The following PCK2 variants were observed in gnomAD, a reference collection of about 807,000 sequenced individuals.
PCK2 encodes the protein phosphoenolpyruvate carboxykinase 2, mitochondrial.
Under a neutral mutation model 65.9 loss-of-function variants are expected in PCK2, and 56 were observed. That is an observed-to-expected ratio of 0.85 (90% confidence interval 0.69 to 1.06). The LOEUF (loss-of-function observed/expected upper bound fraction) is 1.06. Among genes scored for constraint, PCK2 ranks in the 50% least tolerant of loss-of-function variants. The pLI, the probability that PCK2 is intolerant of heterozygous loss-of-function variation, is 0.00. For synonymous variants in PCK2, 305 were observed against 319.6 expected (o/e 0.95, Z 0.49); for missense variants, 843 against 863.1 (o/e 0.98, Z 0.29).
chr14:24,102,253 C>G (rs1028492282), intron 7 of PCK2, among the ~76,000 whole-genome samples: 1 of 152,116 alleles, frequency 6.6e-6, no homozygotes, highest in South Asian at 2.1e-4. Flanking sequence ...AAATAAATTC[C>G]TATTTGCATT....
chr14:24,100,326 G>A, intron 7 of PCK2, 113 bp downstream of exon 7: 1 of 1,508,296 alleles, frequency 6.6e-7, no homozygotes, highest in Non-Finnish European at 8.8e-7. Flanking sequence ...AGGCACAGAA[G>A]TCATGAACGT....
rs1281121399 is a variant in PCK2, at chr14:24,094,696, C to A, written c.29+262C>A. ...CCGCGCGATCTCTATCTGCCACTCT[C>A]AGAACTTCCTCTCTCTCCTCGCTCC... On this transcript the variant is annotated intron_variant, in intron 1 of 9. Coordinates refer to ENST00000216780, the MANE Select transcript of PCK2 (RefSeq NM_004563.4). This position sits in a 1 kb window ranked among gnomAD's most constrained non-coding sequence, Gnocchi z 4.1. The A allele has an allele frequency of 6.6e-7, 1 of 1,519,458 alleles. No individual in the cohort carries two copies. The highest frequency in any genetic ancestry group is 8.8e-7 in the Non-Finnish European group (1 of 1,136,766). The allele number at this position is 1,519,458 out of a possible 1,614,324, so 94.1% of individuals were successfully genotyped here.
chr14:24,095,497 C>G (rs1418510959), intron 1 of PCK2: 3 of 304,702 alleles, frequency 9.8e-6, no homozygotes, highest in Non-Finnish European at 2.0e-5. Flanking sequence ...ATGCTCTGAG[C>G]TTTCTTCCTT....
intron 7 of PCK2, chr14:24,100,703 C>T (rs570060302): frequency 1.3e-5 from 4 of 303,452 alleles, no homozygotes; most frequent in East Asian, 1.7e-4. Flanking sequence ...TCCAACTCTC[C>T]TCCTGCCACT....
chr14:24,095,757 C>T (rs1192754105), intron 1 of PCK2, among the ~76,000 whole-genome samples: 2 of 152,224 alleles, frequency 1.3e-5, no homozygotes, highest in African/African-American at 2.4e-5. Flanking sequence ...TCAGAGCAGA[C>T]GTTGCTTCTC....
intron 1 of PCK2, chr14:24,095,318 A>C: frequency 2.3e-6 from 1 of 437,654 alleles, no homozygotes; most frequent in South Asian, 1.6e-5. Context: ...TGTCCTCAAG[A>C]CTGTGTGCTT....
chr14:24,101,672 CA>C (rs2037166822), intron 7 of PCK2, among the ~76,000 whole-genome samples: 1 of 152,234 alleles, frequency 6.6e-6, no homozygotes, highest in African/African-American at 2.4e-5. Context: ...TCTGTAATCC[CA>C]GCACTTTGGG....
chr14:24,098,425 G>C (rs764533800), intron 3 of PCK2, 38 bp downstream of exon 3: 1 of 1,612,518 alleles, frequency 6.2e-7, no homozygotes, highest in Non-Finnish European at 8.5e-7. Flanking sequence ...GGGCACGGAA[G>C]ATGTGAACAG....
Position 24,097,082 on chromosome 14 carries a change from C to A in PCK2, c.220C>A (p.Leu74Met). 1.2e-6 allele frequency: 2 copies of A among 1,613,608 alleles called. No homozygotes were observed. Among genetic ancestry groups the A allele is most frequent in the South Asian group, 1.1e-5 (1 of 91,052 alleles). ...DGTEAENTAT[L>M]TLLEQQGLIR... ...AACTGAGGCTGAGAATACTGCCACA[C>A]TGACCCTGCTGGAGCAGCAGGGCCT... Residue 74 changes from leucine to methionine, a missense_variant, in exon 2 of 10, where the codon CTG (leucine) becomes ATG (methionine). Transcript: ENST00000216780.
rs368666493 is a variant in PCK2, at chr14:24,098,687, C to T, written c.664+9C>T. 1.9e-6 allele frequency: 3 copies of T among 1,611,040 alleles called. No homozygotes were observed. The highest frequency in any genetic ancestry group is 1.3e-5 in the African/African-American group (1 of 74,984). On this transcript the variant is annotated intron_variant, in intron 4 of 9. Transcript: ENST00000216780. The stretch of plus-strand genomic sequence containing the variant: ...GCCCCTGACAGGACAAGGTAAGCAC[C>T]TGCTCTGCCCCAAGGGGAACACAGA...
Position 24,100,674 on chromosome 14 carries a change from G to C in PCK2, c.1234+461G>C, listed in dbSNP as rs76815756. 7.0e-5 allele frequency: 43 copies of C among 615,174 alleles called. No individual in the cohort carries two copies. The East Asian group carries it at 5.3e-3, about 75-fold the overall frequency. 38.1% of individuals were successfully genotyped at this position (615,174 alleles called of 1,614,324 possible). A position where few individuals can be genotyped will look rare whatever the true frequency, so the allele number is the denominator to read the frequency against. ...TAAAGTTTGGCCCATTAGGAAAAGAGGAAAGCTGCCTCCTCTGCTCCAACT... is the reference window on the plus strand; with the variant it reads ...TAAAGTTTGGCCCATTAGGAAAAGACGAAAGCTGCCTCCTCTGCTCCAACT... On this transcript the variant is annotated intron_variant, in intron 7 of 9. Coordinates refer to ENST00000216780, the MANE Select transcript of PCK2 (RefSeq NM_004563.4).
Position 24,103,541 on chromosome 14 carries a change from G to C in PCK2, c.1500G>C (p.Met500Ile). The stretch of plus-strand genomic sequence containing the variant: ...TCATCATGCACGACCCATTTGCCAT[G>C]CGGCCCTTTTTTGGCTACAACTTCG... ...GKIIMHDPFA[M>I]RPFFGYNFGH... is the part of the protein sequence containing the mutation. The change falls in exon 10 of 10, where the codon ATG becomes ATC. Residue 500 changes from methionine (M) to isoleucine (I), a missense_variant. Transcript: ENST00000216780. The C allele has an allele frequency of 1.3e-6, 2 of 1,563,666 alleles. No individual in the cohort carries two copies. The highest frequency in any genetic ancestry group is 8.7e-7 in the Non-Finnish European group (1 of 1,153,660).
chr14:24,098,751 C>T lies in PCK2; in HGVS notation c.664+73C>T. ...TCAGAGGAAATCCCAAATCCTACCT[C>T]TCCACAGACCCTAAGAACCTGTCCT... On this transcript the variant is annotated intron_variant, in intron 4 of 9. Transcript: ENST00000216780. 14 of 1,283,928 alleles carry T rather than the reference C, an allele frequency of 1.1e-5. No individual in the cohort carries two copies. In the South Asian group the frequency reaches 1.7e-4, roughly 16 times the overall value. The allele number at this position is 1,283,928 out of a possible 1,614,324, so 79.5% of individuals were successfully genotyped here. A position where few individuals can be genotyped will look rare whatever the true frequency, so the allele number is the denominator to read the frequency against.
rs1219330672 is a variant in PCK2, at chr14:24,096,857, C to T, written c.30-35C>T. On this transcript the variant is annotated intron_variant, in intron 1 of 9. Transcript: ENST00000216780. ...CACCTGCCTTGTCCACTCTCGATGA[C>T]AGCAACTAGCTCATTGCCTCTGTTT... 1.9e-6 allele frequency: 3 copies of T among 1,592,314 alleles called. No individual in the cohort carries two copies. In the South Asian group the frequency reaches 3.3e-5, roughly 18 times the overall value.
Position 24,094,760 on chromosome 14 carries a change from TC to T in PCK2, c.29+329del. 1 of 1,435,062 alleles carries T rather than the reference TC, an allele frequency of 7.0e-7. No homozygotes were observed. The allele number at this position is 1,435,062 out of a possible 1,614,324, so 88.9% of individuals were successfully genotyped here. A position where few individuals can be genotyped will look rare whatever the true frequency, so the allele number is the denominator to read the frequency against. On this transcript the variant is annotated intron_variant, in intron 1 of 9. Transcript: ENST00000216780. The surrounding 1 kb of genome is among the most constrained non-coding windows in gnomAD (Gnocchi z 4.1). ...AGGTCTCCGCATATCCTCCTTTCCT[TC>T]CCAGATACCTCCCTCGGACCTCTAA...
chr14:24,100,525 T>G (rs1951634), intron 7 of PCK2: 668,896 of 920,432 alleles, frequency 0.73, 245,904 homozygotes, highest in Non-Finnish European at 0.75. Flanking sequence ...AAAGGGTTTA[T>G]CACACTGACA....
rs149521304 is a variant in PCK2 at position 24,103,699 on chromosome 14, G to T, written c.1658G>T (p.Arg553Leu). Reference protein sequence around the residue: ...FLWPGFGENARVLDWICRRLE... With the variant: ...FLWPGFGENALVLDWICRRLE... ...TGGCCAGGCTTTGGGGAGAATGCTCGGGTGCTAGACTGGATCTGCCGGCGG... is the reference window on the plus strand; with the variant it reads ...TGGCCAGGCTTTGGGGAGAATGCTCTGGTGCTAGACTGGATCTGCCGGCGG... The change falls in exon 10 of 10, where the codon CGG becomes CTG. Residue 553 changes from arginine (R) to leucine (L), a missense_variant. Physicochemically the swap from Arg to Leu is moderately radical, Grantham distance 102. Transcript: ENST00000216780. 1.1e-5 allele frequency: 17 copies of T among 1,614,186 alleles called. No individual in the cohort carries two copies. The highest frequency in any genetic ancestry group is 1.4e-5 in the Non-Finnish European group (16 of 1,180,030).
intron 3 of PCK2, 42 bp from the exon 4 acceptor site, chr14:24,098,433 C>T (rs2036998734): frequency 6.2e-7 from 1 of 1,612,566 alleles, no homozygotes; most frequent in Admixed American, 1.7e-5. Flanking sequence ...AAGATGTGAA[C>T]AGGTTTGGAA....
chr14:24,096,395 C>A (rs1056049519), intron 1 of PCK2, among the ~76,000 whole-genome samples: 1 of 151,990 alleles, frequency 6.6e-6, no homozygotes, highest in Non-Finnish European at 1.5e-5. Context: ...CACGCCACCA[C>A]ATCCGGCTAA....
Sources: allele counts gnomAD v4.1 joint callset (sites outside exome capture counted in the v4.1 genomes callset), GRCh38; gene constraint gnomAD v4.1.1; non-coding constraint Gnocchi (gnomAD v3.1); transcripts MANE v1.5; gene names NCBI Gene and HGNC (gene_info 2026-07-23, HGNC 2026-07-21).